Variants in ATRX observed in about 807,000 individuals in gnomAD.
ATRX encodes ATRX chromatin remodeler, also known as chromatin remodeler ATRX.
Under a neutral mutation model 172.6 loss-of-function variants are expected in ATRX, and 12 were observed. The observed-to-expected ratio is 0.07, with a 90% CI of 0.04 to 0.11. The LOEUF (loss-of-function observed/expected upper bound fraction) is 0.11, where lower values mean the gene tolerates loss of function less well. Ranked by LOEUF, ATRX falls within the 10% of genes least tolerant of loss-of-function variation. The probability of loss-of-function intolerance (pLI) is 1.00; values close to 1 mark genes in which losing one functional copy is unlikely to be tolerated. For synonymous variants in ATRX, 674 were observed against 594.7 expected, an observed-to-expected ratio of 1.13 and a Z score of -1.94; for missense variants, 1,368 against 1,767.4, an observed-to-expected ratio of 0.77 and a Z score of 4.05.
At chrX:77,654,017 T>C in intron 14 of ATRX, 81 bp downstream of exon 14, 1 of 816,161 alleles carries the variant, frequency 1.2e-6, no homozygotes, top group South Asian at 2.1e-5. Context: ...AATGAATGAA[T>C]GGAACAGAGA....
At chrX:77,706,716 A>G (rs908601299) in intron 2 of ATRX, among the ~76,000 whole-genome samples, 3 of 109,987 alleles carry the variant, frequency 2.7e-5, no homozygotes, top group Non-Finnish European at 5.7e-5. Flanking sequence ...CCTGGGCTAC[A>G]TGGTAAGACC....
At chrX:77,613,158 G>C (rs1450219985) in intron 22 of ATRX, among the ~76,000 whole-genome samples, 1 of 110,782 alleles carries the variant, frequency 9.0e-6, no homozygotes, top group Non-Finnish European at 1.9e-5. Flanking sequence ...CTAACTTTCT[G>C]AGTTACTACA....
At chrX:77,513,330 AAAAAAAAAAAAGAAT>A (rs1410893288) in intron 34 of ATRX, among the ~76,000 whole-genome samples, 3 of 107,858 alleles carry the variant, frequency 2.8e-5, no homozygotes, top group African/African-American at 1.0e-4. Flanking sequence ...AAAAAAAAAA[AAAAAAAAAAAAGAAT>A]AATGGGGTTG....
chrX:77,763,901 C>A (rs1405835399), intron 1 of ATRX, among the ~76,000 whole-genome samples: 1 of 110,933 alleles, frequency 9.0e-6, no homozygotes, highest in Non-Finnish European at 1.9e-5. Flanking sequence ...ATCACTTGAG[C>A]TTAGGGGTTT....
At position 77,753,322 on chromosome X, in the gene ATRX, A is replaced by G. The variant is rs192874953; in HGVS notation, c.20+32660T>C. 5.8e-3 allele frequency among the ~76,000 whole-genome samples: 643 copies of G among 110,879 alleles called. 5 individuals carry two copies. Among genetic ancestry groups the G allele is most frequent in the Non-Finnish European group, 7.7e-3 (410 of 52,953 alleles). ...TGGGATCAGTGGTGATATCCCCTTT[A>G]TCATTCTTTATTGTGTCTATTTAAT... On this transcript the variant is annotated intron_variant, in intron 1 of 34. Transcript: ENST00000373344.
intron 17 of ATRX, 184 bp downstream of exon 17, chrX:77,634,410 A>G: frequency 2.4e-6 from 1 of 417,209 alleles, no homozygotes; most frequent in Non-Finnish European, 4.2e-6. Context: ...CTGAAAGTAC[A>G]TATTTCTTAT....
intron 27 of ATRX, among the ~76,000 whole-genome samples, chrX:77,587,267 A>C (rs140495783): frequency 9.0e-6 from 1 of 111,273 alleles, no homozygotes; most frequent in African/African-American, 3.3e-5. Context: ...AAAAAGAATT[A>C]TACACCATGA....
At chrX:77,722,296 G>C (rs2073811353) in intron 1 of ATRX, among the ~76,000 whole-genome samples, 1 of 110,265 alleles carries the variant, frequency 9.1e-6, no homozygotes, top group Non-Finnish European at 1.9e-5. Flanking sequence ...AACACCAAAA[G>C]CAATGACAAC....
At chrX:77,725,454 C>T (rs1306935001) in intron 1 of ATRX, among the ~76,000 whole-genome samples, 3 of 111,926 alleles carry the variant, frequency 2.7e-5, no homozygotes, top group Admixed American at 1.9e-4. Context: ...TTCCTTACAC[C>T]TTACACAAAA....
intron 9 of ATRX, among the ~76,000 whole-genome samples, chrX:77,679,545 A>G (rs1360354930): frequency 2.7e-5 from 3 of 111,859 alleles, no homozygotes; most frequent in African/African-American, 9.7e-5. Flanking sequence ...GGCCTAATGA[A>G]TTCATATTAA....
intron 1 of ATRX, among the ~76,000 whole-genome samples, chrX:77,740,771 G>A (rs1450383365): frequency 9.0e-6 from 1 of 110,784 alleles, no homozygotes; most frequent in Non-Finnish European, 1.9e-5. Flanking sequence ...ACAGCAGCAA[G>A]ACAGATTCTC....
intron 14 of ATRX, among the ~76,000 whole-genome samples, chrX:77,652,599 A>G (rs2148443114): frequency 9.3e-6 from 1 of 107,860 alleles, no homozygotes; most frequent in South Asian, 4.1e-4. Flanking sequence ...CAGGAGATAG[A>G]GACCATCCTG....
chrX:77,616,013 G>GAC (rs782794196), intron 22 of ATRX: 208 of 745,318 alleles, frequency 2.8e-4, no homozygotes, highest in East Asian at 3.1e-4. Flanking sequence ...GAGAGACACA[G>GAC]ACACACACAC....
rs1161899862 is a variant in ATRX, at chrX:77,508,446, G to T, written c.7384C>A (p.Pro2462Thr). The T allele has an allele frequency of 5.0e-6, 6 of 1,209,796 alleles. No homozygotes were observed. In the African/African-American group the frequency reaches 1.1e-4, roughly 21 times the overall value. The change falls in exon 35 of 35, where the codon CCA becomes ACA. Residue 2462 changes from proline (P) to threonine (T), a missense_variant. Around this residue, in one of 17 missense-constraint regions of ATRX, gnomAD observed 100 missense variants for 153.9 expected, o/e 0.65. Coordinates refer to ENST00000373344, the MANE Select transcript of ATRX (RefSeq NM_000489.6). ...QQIDMRGMYQ[P>T]VAGGMQPPPL... ...GGTGGCTGCATACCACCAGCCACTG[G>T]CTGATACATTCCTCTCATATCAATC...
chrX:77,659,337 T>C (rs2069730024), intron 12 of ATRX, among the ~76,000 whole-genome samples: 1 of 111,471 alleles, frequency 9.0e-6, no homozygotes, highest in South Asian at 3.7e-4. Flanking sequence ...ATTTTAAGCC[T>C]AGTATTAATT....
intron 1 of ATRX, among the ~76,000 whole-genome samples, chrX:77,783,440 AT>A (rs781890063): frequency 9.0e-6 from 1 of 111,540 alleles, no homozygotes; most frequent in Admixed American, 9.6e-5. Flanking sequence ...TAGTCAGTGT[AT>A]GTTTTAGCCA....
Position 77,750,073 on chromosome X carries a change from A to G in ATRX, c.21-32830T>C, listed in dbSNP as rs782090590. Among the ~76,000 whole-genome samples, 8 of 112,034 alleles carry G rather than the reference A, an allele frequency of 7.1e-5. No homozygotes were observed. The South Asian group carries it at 3.0e-3, about 41-fold the overall frequency. ...TTTATCATCTAACATCATCATCATA[A>G]GGGTGAGTACAGTACAATAAGATAT... On this transcript the variant is annotated intron_variant, in intron 1 of 34. Coordinates refer to ENST00000373344, the MANE Select transcript of ATRX (RefSeq NM_000489.6).
intron 1 of ATRX, among the ~76,000 whole-genome samples, chrX:77,763,789 T>C (rs999601172): frequency 2.7e-5 from 3 of 111,554 alleles, no homozygotes; most frequent in African/African-American, 9.7e-5. Flanking sequence ...ATTTTCTTAT[T>C]TCTGAATATG....
At chrX:77,706,472 C>A (rs2072831373) in intron 2 of ATRX, among the ~76,000 whole-genome samples, 1 of 111,577 alleles carries the variant, frequency 9.0e-6, no homozygotes, top group Admixed American at 9.6e-5. Context: ...ATCTATAAAA[C>A]TTTTAGAAGA....
Sources: allele counts gnomAD v4.1 joint callset (sites outside exome capture counted in the v4.1 genomes callset), GRCh38; gene constraint gnomAD v4.1.1; regional missense constraint gnomAD v4.1.1; transcripts MANE v1.5; gene names NCBI Gene and HGNC (gene_info 2026-07-23, HGNC 2026-07-21).